ARHGAP26: variants seen among roughly 807,000 people sequenced by gnomAD.
ARHGAP26 encodes rho GTPase-activating protein 26.
A neutral mutation model predicts 104.8 loss-of-function variants in ARHGAP26; 38 were observed. That is an observed-to-expected ratio of 0.36 (90% confidence interval 0.28 to 0.48). ARHGAP26 has a LOEUF of 0.48. Among genes scored for constraint, ARHGAP26 ranks in the 20% least tolerant of loss-of-function variants. ARHGAP26 has a pLI of 0.99. For synonymous variants in ARHGAP26, 341 were observed against 340.0 expected, an observed-to-expected ratio of 1.00 and a Z score of -0.03; for missense variants, 704 against 947.9, an observed-to-expected ratio of 0.74 and a Z score of 3.38.
chr5:142,873,142 A>G (rs147413152), intron 1 of ARHGAP26, among the ~76,000 whole-genome samples: 1 of 152,362 alleles, frequency 6.6e-6, no homozygotes, highest in African/African-American at 2.4e-5. Flanking sequence ...GGAGATGACA[A>G]GTTGCCTTTA....
intron 1 of ARHGAP26, among the ~76,000 whole-genome samples, chr5:142,833,447 A>T (rs1768924078): frequency 1.3e-5 from 2 of 152,114 alleles, no homozygotes; most frequent in Non-Finnish European, 2.9e-5. Context: ...TGGATATAAG[A>T]TAATTTTCTT....
At chr5:142,950,081 C>T (rs1768073170) in intron 11 of ARHGAP26, among the ~76,000 whole-genome samples, 2 of 152,202 alleles carry the variant, frequency 1.3e-5, no homozygotes, top group South Asian at 4.1e-4. Context: ...TGATGTCTGC[C>T]TGCATTTTGA....
chr5:142,771,390 C>T, intron 1 of ARHGAP26: 1 of 1,232,004 alleles, frequency 8.1e-7, no homozygotes, highest in Non-Finnish European at 1.0e-6. Flanking sequence ...GTTGTGACTG[C>T]TTCGCTCCCT....
chr5:143,090,275 C>T (rs1448679971), intron 17 of ARHGAP26, among the ~76,000 whole-genome samples: 1 of 152,238 alleles, frequency 6.6e-6, no homozygotes, highest in Non-Finnish European at 1.5e-5. Flanking sequence ...TGGAGGACCA[C>T]CCTAGTGGAA....
chr5:143,118,935 T>A (rs1795808402), intron 17 of ARHGAP26, among the ~76,000 whole-genome samples: 1 of 142,714 alleles, frequency 7.0e-6, no homozygotes. Flanking sequence ...AACTTAAAAG[T>A]ATAATAATAA....
intron 19 of ARHGAP26, among the ~76,000 whole-genome samples, chr5:143,134,400 C>T (rs1655106960): frequency 6.6e-6 from 1 of 152,268 alleles, no homozygotes; most frequent in Non-Finnish European, 1.5e-5. Flanking sequence ...GAGCTGAGCT[C>T]AGGCACTGCT....
intron 1 of ARHGAP26, among the ~76,000 whole-genome samples, chr5:142,844,342 T>G (rs754168749): frequency 6.6e-6 from 1 of 151,900 alleles, no homozygotes; most frequent in Non-Finnish European, 1.5e-5. Flanking sequence ...TGAGCCACAG[T>G]GCCCAGTGCT....
chr5:143,078,250 G>T (rs1789316517), intron 17 of ARHGAP26, among the ~76,000 whole-genome samples: 1 of 152,190 alleles, frequency 6.6e-6, no homozygotes, highest in Non-Finnish European at 1.5e-5. Flanking sequence ...TGGGCCTAGG[G>T]CGAGGCAGAA....
chr5:142,943,248 A>G (rs978103966), intron 11 of ARHGAP26, among the ~76,000 whole-genome samples: 9 of 152,194 alleles, frequency 5.9e-5, no homozygotes, highest in African/African-American at 2.2e-4. Context: ...ATGACTTCCT[A>G]TCTGAGACTG....
In ARHGAP26 at chr5:142,770,801, G is replaced by C. The variant is rs777926681; in HGVS notation, c.40G>C (p.Asp14His). The C allele has an allele frequency of 1.9e-6, 3 of 1,597,946 alleles. No individual in the cohort carries two copies. Among genetic ancestry groups the C allele is most frequent in the African/African-American group, 1.4e-5 (1 of 73,574 alleles). ...GCTCGAGTTCAGCGACTGCTGCCTC[G>C]ATAGTCCGCACTTCCGAGAGACGCT... ...PALEFSDCCL[D>H]SPHFRETLKS... Residue 14 changes from aspartate (D) to histidine (H), a missense_variant, in exon 1 of 23, where the codon GAT (aspartate) becomes CAT (histidine). Physicochemically the swap from Asp to His is moderately conservative, Grantham distance 81 (BLOSUM62 -1). This residue lies in a region of ARHGAP26 where 77 missense variants were observed against 82.6 expected (regional missense o/e 0.93). Coordinates refer to ENST00000645722, the MANE Select transcript of ARHGAP26 (RefSeq NM_001135608.3).
chr5:142,832,194 A>G (rs1768581033), intron 1 of ARHGAP26, among the ~76,000 whole-genome samples: 1 of 152,180 alleles, frequency 6.6e-6, no homozygotes, highest in African/African-American at 2.4e-5. Context: ...TCCCTCTAAT[A>G]AATGCTATGG....
chr5:142,994,577 G>A (rs990423594), intron 11 of ARHGAP26, among the ~76,000 whole-genome samples: 2 of 152,186 alleles, frequency 1.3e-5, no homozygotes, highest in Admixed American at 1.3e-4. Flanking sequence ...TGAACTCCCA[G>A]ATGGGACTGT....
Position 143,120,971 on chromosome 5 carries a change from C to T in ARHGAP26, c.1539-17C>T. 1.9e-6 allele frequency: 3 copies of T among 1,608,592 alleles called. No individual in the cohort carries two copies. The highest frequency in any genetic ancestry group is 2.5e-6 in the Non-Finnish European group (3 of 1,176,874). On this transcript the variant is annotated splice_polypyrimidine_tract_variant and intron_variant, in intron 17 of 22. Transcript: ENST00000645722. ...ACGATTTGTCTCATTGGTACCTTTT[C>T]TTTTCCTTCCTCCCAGTGTTGCTAA...
intron 19 of ARHGAP26, among the ~76,000 whole-genome samples, chr5:143,145,585 G>A (rs1799057971): frequency 6.6e-6 from 1 of 152,162 alleles, no homozygotes; most frequent in South Asian, 2.1e-4. Context: ...TTTCTGGTAG[G>A]AAGTTCCCAT....
intron 14 of ARHGAP26, among the ~76,000 whole-genome samples, chr5:143,049,089 A>G (rs190502789): frequency 6.6e-6 from 1 of 152,240 alleles, no homozygotes; most frequent in Non-Finnish European, 1.5e-5. Context: ...ATATATCACC[A>G]TGTAATCATT....
chr5:142,829,992 T>C (rs1768071078), intron 1 of ARHGAP26, among the ~76,000 whole-genome samples: 1 of 152,204 alleles, frequency 6.6e-6, no homozygotes, highest in African/African-American at 2.4e-5. Flanking sequence ...GTGGATGTTT[T>C]CGACCTGATG....
In ARHGAP26 at chr5:143,091,164, G is replaced by A. The variant is rs372617963; in HGVS notation, c.1539-29824G>A. Among the ~76,000 whole-genome samples, 33 of 152,306 alleles carry A rather than the reference G, an allele frequency of 2.2e-4. No individual in the cohort carries two copies. In the South Asian group the frequency reaches 6.8e-3, roughly 32 times the overall value. ...ACTATGGCCCACGACTCTGGAGGGG[G>A]CGGCGCTTTCTTGACTCGGGTGTGA... On this transcript the variant is annotated intron_variant, in intron 17 of 22. Coordinates refer to ENST00000645722, the MANE Select transcript of ARHGAP26 (RefSeq NM_001135608.3).
At chr5:142,934,657 C>T (rs750851779) in intron 11 of ARHGAP26, among the ~76,000 whole-genome samples, 2 of 152,068 alleles carry the variant, frequency 1.3e-5, no homozygotes, top group Non-Finnish European at 2.9e-5. Context: ...TTTCTCTAGT[C>T]GGTGTTAGTG....
At position 142,871,509 on chromosome 5, in the gene ARHGAP26, C is replaced by T. The variant is rs372767807; in HGVS notation, c.155-1891C>T. On this transcript the variant is annotated intron_variant, in intron 1 of 22. Transcript: ENST00000645722. This position sits in a 1 kb window ranked among gnomAD's most constrained non-coding sequence, Gnocchi z 4.1. ...TGTTACTCTTAGTGCAGACTTTGTG[C>T]GTTCTCATCAGGGAACATTCTGACT... is the stretch of plus-strand genomic sequence containing the variant. 2.2e-4 allele frequency among the ~76,000 whole-genome samples: 34 copies of T among 152,320 alleles called. No homozygotes were observed. Among genetic ancestry groups the T allele is most frequent in the South Asian group, 1.5e-3 (7 of 4,818 alleles).
Sources: gnomAD v4.1 joint callset for allele counts (sites outside exome capture counted in the v4.1 genomes callset) on GRCh38, gnomAD v4.1.1 for gene constraint, gnomAD v4.1.1 regional missense constraint, Gnocchi (gnomAD v3.1) non-coding constraint, MANE v1.5 for transcripts, NCBI Gene and HGNC (gene_info 2026-07-23, HGNC 2026-07-21) for gene names.